TRAF2: variants seen among roughly 807,000 people sequenced by gnomAD.
TRAF2 encodes the protein TNF receptor-associated factor 2.
Under a neutral mutation model 55.6 loss-of-function variants are expected in TRAF2, and 6 were observed. That is an observed-to-expected ratio of 0.11 (90% CI 0.06 to 0.21). The LOEUF (loss-of-function observed/expected upper bound fraction) is 0.21, where lower values mean the gene tolerates loss of function less well. TRAF2 is among the 10% of genes least tolerant of loss of function. The probability of loss-of-function intolerance (pLI) is 1.00; values close to 1 mark genes in which losing one functional copy is unlikely to be tolerated. For missense variants in TRAF2, 561 were observed against 684.5 expected (o/e 0.82, Z 2.01); for synonymous variants, 329 against 276.3 (o/e 1.19, Z -1.89).
At chr9:136,907,966 C>G in intron 4 of TRAF2, 104 bp from the exon 5 acceptor site, 1 of 1,439,796 alleles carries the variant, frequency 6.9e-7, no homozygotes, top group Admixed American at 2.1e-5. Context: ...GACCAGCATG[C>G]GGACACCAAG....
At chr9:136,897,803 C>T (rs1216439568) in intron 1 of TRAF2, among the ~76,000 whole-genome samples, 2 of 139,694 alleles carry the variant, frequency 1.4e-5, no homozygotes, top group African/African-American at 2.7e-5. Context: ...TGCTACGTTC[C>T]GCTCTCGGGG....
intron 1 of TRAF2, among the ~76,000 whole-genome samples, chr9:136,895,561 A>T (rs1464234185): frequency 1.3e-5 from 2 of 152,220 alleles, no homozygotes; most frequent in African/African-American, 4.8e-5. Context: ...TTGTCATTTA[A>T]ATGTTGGAAT....
intron 6 of TRAF2, among the ~76,000 whole-genome samples, chr9:136,912,158 T>C (rs1444834555): frequency 0.025 from 237 of 9,312 alleles, 4 homozygotes; most frequent in African/African-American, 0.12. Flanking sequence ...GGCCCTTTTT[T>C]TTTTTTTTTT....
chr9:136,912,901 G>A (rs1850150962), intron 6 of TRAF2, among the ~76,000 whole-genome samples: 2 of 152,160 alleles, frequency 1.3e-5, no homozygotes, highest in East Asian at 3.9e-4. Flanking sequence ...GGGAAGCCAA[G>A]GCAGGTGGAT....
intron 1 of TRAF2, among the ~76,000 whole-genome samples, chr9:136,893,073 G>T (rs1348087604): frequency 4.6e-5 from 7 of 152,174 alleles, no homozygotes; most frequent in Non-Finnish European, 1.0e-4. Flanking sequence ...GTGCAGTCCT[G>T]GTGAGCAGGC....
chr9:136,901,071 C>T (rs927409718), intron 4 of TRAF2, among the ~76,000 whole-genome samples: 8 of 150,298 alleles, frequency 5.3e-5, no homozygotes, highest in East Asian at 1.9e-4. Context: ...GGCAGTGGCC[C>T]GCACTTCACT....
In TRAF2 at chr9:136,899,634, A is replaced by G. The variant is rs773301678; in HGVS notation, c.229A>G (p.Ile77Val). ...QNCAACVHEG[I>V]YEEGISILES... ...CTGTGCTGCCTGTGTTCACGAGGGC[A>G]TATATGAAGAAGGCATTTCTATTTT... The change falls in exon 3 of 11, where the codon ATA (isoleucine) becomes GTA (valine). Residue 77 changes from isoleucine to valine, a missense_variant. Around this residue, in one of 2 missense-constraint regions of TRAF2, gnomAD observed 426 missense variants for 476.8 expected, o/e 0.89. Coordinates refer to ENST00000247668, the MANE Select transcript of TRAF2 (RefSeq NM_021138.4). 2.5e-6 allele frequency: 4 copies of G among 1,613,236 alleles called. No homozygotes were observed. Among genetic ancestry groups the G allele is most frequent in the Middle Eastern group, 1.6e-4 (1 of 6,078 alleles).
At position 136,898,787 on chromosome 9, in the gene TRAF2, A is replaced by G. The variant is rs1415729753; in HGVS notation, c.47A>G (p.Gln16Arg). ...VTPPGSLELLQPGFSKTLLGT... is the reference protein window; with the variant it reads ...VTPPGSLELLRPGFSKTLLGT... ...CCCCCTGGCTCCCTGGAGTTGCTAC[A>G]GCCCGGCTTCTCCAAGACCCTCCTG... The change falls in exon 2 of 11, where the codon CAG becomes CGG. Residue 16 changes from glutamine (Q) to arginine (R), a missense_variant. Gln to Arg is a conservative substitution (Grantham distance 43). Coordinates refer to ENST00000247668, the MANE Select transcript of TRAF2 (RefSeq NM_021138.4). The G allele has an allele frequency of 6.2e-7, 1 of 1,613,618 alleles. No individual in the cohort carries two copies. The highest frequency in any genetic ancestry group is 8.5e-7 in the Non-Finnish European group (1 of 1,180,032).
At chr9:136,903,536 A>ATT (rs11422823) in intron 4 of TRAF2, among the ~76,000 whole-genome samples, 1,918 of 148,128 alleles carry the variant, frequency 0.013, 22 homozygotes, top group African/African-American at 0.031. Flanking sequence ...ATAAATATTG[A>ATT]TTTTTTTTTT....
chr9:136,911,416 C>T (rs1420796520), intron 6 of TRAF2, among the ~76,000 whole-genome samples: 1 of 151,940 alleles, frequency 6.6e-6, no homozygotes, highest in African/African-American at 2.4e-5. Flanking sequence ...AGGTATGCAC[C>T]ACCACACCCA....
chr9:136,907,922 G>T lies in TRAF2; in HGVS notation c.367-148G>T, dbSNP rs565923722. 3.4e-5 allele frequency: 31 copies of T among 918,326 alleles called. No individual in the cohort carries two copies. The South Asian group carries it at 4.8e-4, about 14-fold the overall frequency. 56.9% of individuals were successfully genotyped at this position (918,326 alleles called of 1,614,324 possible). On this transcript the variant is annotated intron_variant, in intron 4 of 10. Coordinates refer to ENST00000247668, the MANE Select transcript of TRAF2 (RefSeq NM_021138.4). ...TCCTCCTGCCCTCCCACCTGTGGGA[G>T]CCCTGAGAGCTATCTGCAGAGGGCG...
At chr9:136,909,726 G>A (rs1460756739) in intron 5 of TRAF2, among the ~76,000 whole-genome samples, 194 bp from the exon 6 acceptor site, 3 of 152,222 alleles carry the variant, frequency 2.0e-5, no homozygotes, top group East Asian at 1.9e-4. Flanking sequence ...AACAAACAAA[G>A]CGTTAAGATC....
At chr9:136,907,025 G>A (rs761021363) in intron 4 of TRAF2, among the ~76,000 whole-genome samples, 1 of 152,248 alleles carries the variant, frequency 6.6e-6, no homozygotes, top group Admixed American at 6.5e-5. Flanking sequence ...CCCTCAAGAC[G>A]GTCGGGGAAG....
intron 5 of TRAF2, among the ~76,000 whole-genome samples, chr9:136,908,870 G>A (rs1444245480): frequency 1.6e-5 from 1 of 63,914 alleles, no homozygotes; most frequent in African/African-American, 7.9e-5. Context: ...ATTCCGTCTC[G>A]GAAAAAAAAA....
At chr9:136,894,893 G>A (rs969143596) in intron 1 of TRAF2, among the ~76,000 whole-genome samples, 5 of 152,302 alleles carry the variant, frequency 3.3e-5, no homozygotes, top group African/African-American at 1.2e-4. Flanking sequence ...CGGGAGGATC[G>A]CTTGAGCCCA....
intron 6 of TRAF2, among the ~76,000 whole-genome samples, chr9:136,914,677 A>G (rs1850198496): frequency 6.6e-6 from 1 of 152,198 alleles, no homozygotes; most frequent in Non-Finnish European, 1.5e-5. Context: ...ATTGCTATAC[A>G]TAAGAACGGT....
chr9:136,921,729 CTT>C (rs1850390322), intron 9 of TRAF2, among the ~76,000 whole-genome samples: 1 of 151,308 alleles, frequency 6.6e-6, no homozygotes, highest in South Asian at 2.1e-4. Context: ...TATGGGGTCT[CTT>C]GAGAGGGTGC....
rs752848549 is a variant in TRAF2 at position 136,908,064 on chromosome 9, T to C, written c.367-6T>C. 2 of 1,598,070 alleles carry C rather than the reference T, an allele frequency of 1.3e-6. No individual in the cohort carries two copies. The highest frequency in any genetic ancestry group is 3.4e-5 in the Admixed American group (2 of 58,346). On this transcript the variant is annotated splice_polypyrimidine_tract_variant and splice_region_variant and intron_variant, in intron 4 of 10. Coordinates refer to ENST00000247668, the MANE Select transcript of TRAF2 (RefSeq NM_021138.4). ...TTCTACTGACGCTTCCTCCTTTCGTTGCTAGAGCTGCCACGAAGGCCGCTG... is the reference window on the plus strand; with the variant it reads ...TTCTACTGACGCTTCCTCCTTTCGTCGCTAGAGCTGCCACGAAGGCCGCTG...
intron 6 of TRAF2, among the ~76,000 whole-genome samples, chr9:136,915,393 C>CTG (rs1022039285): frequency 2.0e-5 from 3 of 152,016 alleles, no homozygotes; most frequent in African/African-American, 7.3e-5. Flanking sequence ...GGACGTGCCA[C>CTG]TGTGATGTGT....
Sources: allele counts gnomAD v4.1 joint callset (sites outside exome capture counted in the v4.1 genomes callset), GRCh38; gene constraint gnomAD v4.1.1; regional missense constraint gnomAD v4.1.1; transcripts MANE v1.5; gene names NCBI Gene and HGNC (gene_info 2026-07-23, HGNC 2026-07-21).